The following HSP90B1 variants were observed in gnomAD, a reference collection of about 807,000 sequenced individuals.
HSP90B1 encodes the protein endoplasmin.
Under a neutral mutation model 100.4 loss-of-function variants are expected in HSP90B1, and 27 were observed. The observed-to-expected ratio is 0.27, with a 90% CI of 0.20 to 0.37. The LOEUF is 0.37. Among genes scored for constraint, HSP90B1 ranks in the 10% least tolerant of loss-of-function variants. HSP90B1 has a pLI of 1.00. For missense variants in HSP90B1, 678 were observed against 960.5 expected, an observed-to-expected ratio of 0.71 and a Z score of 3.89; for synonymous variants, 304 against 330.8, an observed-to-expected ratio of 0.92 and a Z score of 0.88.
In HSP90B1 at chr12:103,930,847, C is replaced by A. The variant is rs2136211644; in HGVS notation, c.49+283C>A. On this transcript the variant is annotated intron_variant, in intron 1 of 17. Transcript: ENST00000299767. This position sits in a 1 kb window ranked among gnomAD's most constrained non-coding sequence, Gnocchi z 4.4. ...GGCCTCTCTGAGGCTCTGGCTCCCC[C>A]GGGAGCTGTGCGAGTCCCTCCCCCC... 6.6e-6 allele frequency among the ~76,000 whole-genome samples: 1 copy of A among 152,176 alleles called. No individual in the cohort carries two copies. The highest frequency in any genetic ancestry group is 1.9e-4 in the East Asian group (1 of 5,150).
Position 103,943,174 on chromosome 12 carries a change from A to T in HSP90B1, c.1745A>T (p.Glu582Val). ...GAATACTGTATTCAGGCCCTTCCCG[A>T]ATTTGATGGGAAGAGGTTCCAGAAT... The part of the protein sequence containing the change: ...VDEYCIQALP[E>V]FDGKRFQNVA... The change falls in exon 13 of 18, where the codon GAA becomes GTA. Residue 582 changes from glutamate to valine, a missense_variant. Physicochemically the swap from Glu to Val is moderately radical, Grantham distance 121. This residue lies in a region of HSP90B1 where 170 missense variants were observed against 236.7 expected (regional missense o/e 0.72). Transcript: ENST00000299767. This position sits in a 1 kb window ranked among gnomAD's most constrained non-coding sequence, Gnocchi z 5.3. The T allele has an allele frequency of 6.2e-7, 1 of 1,614,118 alleles. No individual in the cohort carries two copies. Among genetic ancestry groups the T allele is most frequent in the Non-Finnish European group, 8.5e-7 (1 of 1,180,000 alleles).
intron 2 of HSP90B1, chr12:103,931,840 C>A: frequency 3.4e-6 from 2 of 582,290 alleles, no homozygotes; most frequent in Non-Finnish European, 6.4e-6. Flanking sequence ...AGAATACTAG[C>A]ACCATAAACT....
Position 103,943,295 on chromosome 12 carries a change from G to A in HSP90B1, c.1866G>A (p.Met622Ile). ...EKEFEPLLNW[M>I]KDKALKDKIE... ...AATTTGAGCCTCTGCTGAATTGGAT[G>A]AAAGATAAAGCCCTTAAGGACAAGG... Residue 622 changes from methionine to isoleucine, a missense_variant, in exon 13 of 18, where the codon ATG becomes ATA. Physicochemically the swap from Met to Ile is conservative, Grantham distance 10 (BLOSUM62 1). Transcript: ENST00000299767. This position sits in a 1 kb window ranked among gnomAD's most constrained non-coding sequence, Gnocchi z 5.3. The A allele has an allele frequency of 6.2e-7, 1 of 1,614,014 alleles. No individual in the cohort carries two copies. The highest frequency in any genetic ancestry group is 1.1e-5 in the South Asian group (1 of 91,074).
chr12:103,933,032 TTGCAGTGGC>T, intron 4 of HSP90B1, 90 bp downstream of exon 4: 2 of 704,648 alleles, frequency 2.8e-6, no homozygotes, highest in Admixed American at 2.3e-5. Context: ...CTAGATTATT[TTGCAGTGGC>T]AAAAAAACCC....
chr12:103,945,921 A>AT, intron 14 of HSP90B1, among the ~76,000 whole-genome samples: 1 of 152,132 alleles, frequency 6.6e-6, no homozygotes, highest in South Asian at 2.1e-4. Context: ...CTGTCTCTAT[A>AT]AAAACTAAAT....
intron 16 of HSP90B1, among the ~76,000 whole-genome samples, 160 bp from the exon 17 acceptor site, chr12:103,947,151 C>T (rs1470698616): frequency 6.6e-6 from 1 of 152,160 alleles, no homozygotes; most frequent in African/African-American, 2.4e-5. Context: ...TTCCTTTTTG[C>T]CTGCCTCCTT....
chr12:103,930,490 G>A lies in HSP90B1; in HGVS notation c.-26G>A, dbSNP rs753157411. The A allele has an allele frequency of 1.9e-6, 3 of 1,598,980 alleles. No individual in the cohort carries two copies. Among genetic ancestry groups the A allele is most frequent in the African/African-American group, 2.7e-5 (2 of 74,050 alleles). On this transcript the variant is annotated 5_prime_UTR_variant, in exon 1 of 18. Coordinates refer to ENST00000299767, the MANE Select transcript of HSP90B1 (RefSeq NM_003299.3). The surrounding 1 kb of genome is among the most constrained non-coding windows in gnomAD (Gnocchi z 4.4). ...GGAGGCGGCTCCTGCGATCGAAGGG[G>A]ACTTGAGACTCACCGGCCGCACGCC...
At chr12:103,931,490 G>T in intron 1 of HSP90B1, 31 bp from the exon 2 acceptor site, 1 of 1,529,094 alleles carries the variant, frequency 6.5e-7, no homozygotes, top group Non-Finnish European at 9.1e-7. Flanking sequence ...GAAGTGTGAT[G>T]TTGAAGAGTT....
In HSP90B1 at chr12:103,947,883, G is replaced by GT; in HGVS notation, c.*222dup. Reference sequence around the variant, plus strand: ...TACTATTTAACTGACTATTCTTGATGTAAAATCTTGTCATGTGTATAAAAA... The same window carrying GT: ...TACTATTTAACTGACTATTCTTGATGTTAAAATCTTGTCATGTGTATAAAAA... On this transcript the variant is annotated 3_prime_UTR_variant, in exon 18 of 18. Transcript: ENST00000299767. 1.8e-6 allele frequency: 1 copy of GT among 551,128 alleles called. No homozygotes were observed. Among genetic ancestry groups the GT allele is most frequent in the Non-Finnish European group, 3.2e-6 (1 of 308,162 alleles). The allele number at this position is 551,128 out of a possible 1,614,324, so 34.1% of individuals were successfully genotyped here. A position where few individuals can be genotyped will look rare whatever the true frequency, so the allele number is the denominator to read the frequency against.
At chr12:103,945,657 A>G (rs922740350) in intron 14 of HSP90B1, among the ~76,000 whole-genome samples, 3 of 152,208 alleles carry the variant, frequency 2.0e-5, no homozygotes, top group African/African-American at 7.2e-5. Context: ...GGGAACAAAC[A>G]GGACATTAAA....
At chr12:103,942,126 G>C (rs1177332049) in intron 11 of HSP90B1, among the ~76,000 whole-genome samples, 1 of 152,098 alleles carries the variant, frequency 6.6e-6, no homozygotes, top group Admixed American at 6.5e-5. Context: ...TACAGGTCCA[G>C]GATTAACATT....
intron 5 of HSP90B1, among the ~76,000 whole-genome samples, chr12:103,936,688 A>C (rs911459769): frequency 6.6e-6 from 1 of 151,324 alleles, no homozygotes; most frequent in Non-Finnish European, 1.5e-5. Context: ...GTACAGCTAT[A>C]GCTTGCCAGC....
At position 103,932,888 on chromosome 12, in the gene HSP90B1, A is replaced by G; in HGVS notation, c.357A>G (p.Ser119=). ...CTTTAGATAAGATAAGGCTAATATC[A>G]CTGACTGATGAAAATGCTCTTTCTG... ...SDALDKIRLI[S]LTDENALSGN... is the part of the protein sequence containing the mutation. Residue 119 remains serine (S), a synonymous_variant, in exon 4 of 18, where the codon TCA becomes TCG. Transcript: ENST00000299767. 5 of 1,607,386 alleles carry G rather than the reference A, an allele frequency of 3.1e-6. No individual in the cohort carries two copies. The highest frequency in any genetic ancestry group is 3.4e-6 in the Non-Finnish European group (4 of 1,174,024).
At position 103,947,329 on chromosome 12, in the gene HSP90B1, G is replaced by C; in HGVS notation, c.2281G>C (p.Glu761Gln). Residue 761 changes from glutamate (E) to glutamine (Q), a missense_variant, in exon 17 of 18, where the codon GAA becomes CAA. By Grantham distance (29) the Glu-to-Gln change is conservative. Around this residue, in one of 8 missense-constraint regions of HSP90B1, gnomAD observed 65 missense variants for 65.1 expected, o/e 1.00. Transcript: ENST00000299767. ...TGTTTAGGTGGAAGAAGAGCCCGAAGAAGAACCTGAAGAGACAGCAGAAGA... is the reference window on the plus strand; with the variant it reads ...TGTTTAGGTGGAAGAAGAGCCCGAACAAGAACCTGAAGAGACAGCAGAAGA... ...PDAKVEEEPE[E>Q]EPEETAEDTT... The C allele has an allele frequency of 6.3e-7, 1 of 1,598,162 alleles. No homozygotes were observed. The highest frequency in any genetic ancestry group is 1.7e-4 in the Middle Eastern group (1 of 5,974).
chr12:103,935,305 C>T (rs189805026), intron 5 of HSP90B1, among the ~76,000 whole-genome samples: 31 of 152,300 alleles, frequency 2.0e-4, no homozygotes, highest in East Asian at 1.9e-3. Context: ...CAGTAGCTCT[C>T]GTTGCTTATA....
intron 6 of HSP90B1, 42 bp from the exon 7 acceptor site, chr12:103,938,298 G>T: frequency 6.7e-7 from 1 of 1,494,312 alleles, no homozygotes. Flanking sequence ...AATCAGAATT[G>T]TTAAACAAAT....
At chr12:103,932,798 A>T (rs1404635865) in intron 3 of HSP90B1, 28 bp from the exon 4 acceptor site, 1 of 1,123,340 alleles carries the variant, frequency 8.9e-7, no homozygotes. Context: ...AGGATAGTCT[A>T]AGTGTATTCC....
rs1383987760 is a variant in HSP90B1 at position 103,946,633 on chromosome 12, G to A, written c.2043G>A (p.Gln681=). The A allele has an allele frequency of 6.2e-7, 1 of 1,613,418 alleles. No homozygotes were observed. Among genetic ancestry groups the A allele is most frequent in the Non-Finnish European group, 8.5e-7 (1 of 1,179,442 alleles). The change falls in exon 15 of 18, where the codon CAG becomes CAA. Residue 681 remains glutamine (Q), a synonymous_variant. Coordinates refer to ENST00000299767, the MANE Select transcript of HSP90B1 (RefSeq NM_003299.3). The part of the protein sequence containing the change: ...KDISTNYYAS[Q]KKTFEINPRH... ...CTCTTAACAGTTACTATGCGAGTCA[G>A]AAGAAAACATTTGAAATTAATCCCA...
chr12:103,932,427 CAT>C lies in HSP90B1; in HGVS notation c.294+10_294+11del. 6.2e-7 allele frequency: 1 copy of C among 1,601,700 alleles called. No homozygotes were observed. The highest frequency in any genetic ancestry group is 8.5e-7 in the Non-Finnish European group (1 of 1,173,408). On this transcript the variant is annotated intron_variant, in intron 3 of 17. Coordinates refer to ENST00000299767, the MANE Select transcript of HSP90B1 (RefSeq NM_003299.3). ...TGTATAAAAATAAAGAGGTAAGCAA[CAT>C]GTGGTTAGAATATTTTATCTCTGTA...
Sources: gnomAD v4.1 joint callset for allele counts (sites outside exome capture counted in the v4.1 genomes callset) on GRCh38, gnomAD v4.1.1 for gene constraint, gnomAD v4.1.1 regional missense constraint, Gnocchi (gnomAD v3.1) non-coding constraint, MANE v1.5 for transcripts, NCBI Gene and HGNC (gene_info 2026-07-23, HGNC 2026-07-21) for gene names.